Variants in EDIL3 observed in about 807,000 individuals in gnomAD.
EDIL3 encodes the protein EGF like and discoidin domains 3.
A neutral mutation model predicts 67.4 loss-of-function variants in EDIL3; 37 were observed. That is an observed-to-expected ratio of 0.55 (90% CI 0.42 to 0.72). The LOEUF (loss-of-function observed/expected upper bound fraction) is 0.72. EDIL3 is among the 30% of genes least tolerant of loss of function. EDIL3 has a pLI of 0.00. For synonymous variants in EDIL3, 195 were observed against 196.3 expected, an observed-to-expected ratio of 0.99 and a Z score of 0.05; for missense variants, 527 against 586.3, an observed-to-expected ratio of 0.90 and a Z score of 1.04.
chr5:83,994,325 G>A (rs966909646), intron 9 of EDIL3, among the ~76,000 whole-genome samples: 1 of 150,910 alleles, frequency 6.6e-6, no homozygotes, highest in Non-Finnish European at 1.5e-5. Flanking sequence ...GTTACTTTTT[G>A]GAAGAGGATT....
At chr5:84,037,453 A>G (rs1035736436) in intron 9 of EDIL3, among the ~76,000 whole-genome samples, 8 of 152,234 alleles carry the variant, frequency 5.3e-5, no homozygotes, top group African/African-American at 1.9e-4. Context: ...TTTTCAAATC[A>G]TAAAGAAAAT....
At chr5:84,231,776 GA>G (rs960270104) in intron 2 of EDIL3, among the ~76,000 whole-genome samples, 14 of 151,672 alleles carry the variant, frequency 9.2e-5, no homozygotes, top group African/African-American at 2.9e-4. Flanking sequence ...GTTCAAAGAG[GA>G]AAAAAAATGG....
At chr5:84,166,745 A>G (rs780997200) in intron 4 of EDIL3, among the ~76,000 whole-genome samples, 11 of 152,142 alleles carry the variant, frequency 7.2e-5, no homozygotes, top group Non-Finnish European at 1.6e-4. Flanking sequence ...TCTTCGGGTT[A>G]GTTGGAGGAA....
intron 6 of EDIL3, among the ~76,000 whole-genome samples, chr5:84,083,031 C>T (rs193100710): frequency 6.6e-6 from 1 of 152,252 alleles, no homozygotes; most frequent in Admixed American, 6.5e-5. Flanking sequence ...ATCTTTTAAT[C>T]CTTCCAGCTG....
chr5:84,167,480 C>G (rs964557825), intron 4 of EDIL3, among the ~76,000 whole-genome samples: 1 of 152,036 alleles, frequency 6.6e-6, no homozygotes, highest in African/African-American at 2.4e-5. Context: ...ATTGAGGCAC[C>G]TGGTGTTTCA....
intron 2 of EDIL3, among the ~76,000 whole-genome samples, chr5:84,240,882 T>C (rs1368757910): frequency 6.6e-6 from 1 of 151,874 alleles, no homozygotes; most frequent in Non-Finnish European, 1.5e-5. Context: ...CCTTATAAAC[T>C]GAGCAACCAC....
intron 1 of EDIL3, among the ~76,000 whole-genome samples, chr5:84,380,959 A>G (rs2112224593): frequency 6.6e-6 from 1 of 152,194 alleles, no homozygotes; most frequent in South Asian, 2.1e-4. Context: ...AAAATACCCT[A>G]GATTTTGAAT....
chr5:84,122,154 G>A (rs1747787264), intron 5 of EDIL3, among the ~76,000 whole-genome samples: 1 of 151,848 alleles, frequency 6.6e-6, no homozygotes, highest in African/African-American at 2.4e-5. Flanking sequence ...TTTCTCTTCT[G>A]CAACTAAGAT....
chr5:84,043,438 G>A (rs1427211248), intron 9 of EDIL3, among the ~76,000 whole-genome samples: 1 of 152,184 alleles, frequency 6.6e-6, no homozygotes, highest in Non-Finnish European at 1.5e-5. Flanking sequence ...GTTATATGAA[G>A]TAGGAACAGA....
chr5:83,979,765 C>T (rs1580262833), intron 9 of EDIL3, among the ~76,000 whole-genome samples: 1 of 152,050 alleles, frequency 6.6e-6, no homozygotes, highest in African/African-American at 2.4e-5. Context: ...TGTCCCAGGA[C>T]CTCCTGGAAT....
At chr5:84,001,885 G>A (rs1745337626) in intron 9 of EDIL3, among the ~76,000 whole-genome samples, 1 of 151,846 alleles carries the variant, frequency 6.6e-6, no homozygotes, top group Non-Finnish European at 1.5e-5. Flanking sequence ...GAGGAGGAAG[G>A]AATACTTCTA....
intron 4 of EDIL3, among the ~76,000 whole-genome samples, chr5:84,173,028 G>A (rs1025958281): frequency 2.0e-5 from 3 of 152,156 alleles, no homozygotes; most frequent in African/African-American, 7.2e-5. Flanking sequence ...CAGAGGTCCA[G>A]CATGACAACA....
At chr5:84,254,440 C>T (rs1378733969) in intron 1 of EDIL3, among the ~76,000 whole-genome samples, 2 of 152,094 alleles carry the variant, frequency 1.3e-5, no homozygotes, top group Non-Finnish European at 2.9e-5. Flanking sequence ...CCTCTGAAAG[C>T]TATTGGTTCA....
intron 9 of EDIL3, among the ~76,000 whole-genome samples, chr5:84,027,687 G>A (rs563714654): frequency 1.2e-4 from 19 of 152,026 alleles, no homozygotes; most frequent in Middle Eastern, 6.8e-3. Flanking sequence ...ATCTGGTAGC[G>A]AAGTGCTTAT....
Position 83,943,237 on chromosome 5 carries a change from A to G in EDIL3, c.*182T>C, listed in dbSNP as rs1318816965. ...TTGACGGATAAAATAAAATCAAATTAAATCATTGAAAAGGCAGGCTTAGAC... is the reference window on the plus strand; with the variant it reads ...TTGACGGATAAAATAAAATCAAATTGAATCATTGAAAAGGCAGGCTTAGAC... On this transcript the variant is annotated 3_prime_UTR_variant, in exon 11 of 11. Coordinates refer to ENST00000296591, the MANE Select transcript of EDIL3 (RefSeq NM_005711.5). The G allele has an allele frequency of 7.7e-6, 5 of 650,620 alleles. No homozygotes were observed. The highest frequency in any genetic ancestry group is 2.1e-5 in the South Asian group (1 of 47,448). The allele number at this position is 650,620 out of a possible 1,614,324, so 40.3% of individuals were successfully genotyped here. A position where few individuals can be genotyped will look rare whatever the true frequency, so the allele number is the denominator to read the frequency against.
At chr5:84,020,215 C>G (rs1389770105) in intron 9 of EDIL3, among the ~76,000 whole-genome samples, 1 of 151,930 alleles carries the variant, frequency 6.6e-6, no homozygotes, top group African/African-American at 2.4e-5. Flanking sequence ...AATAAATTCT[C>G]CCTTCATCTG....
intron 7 of EDIL3, among the ~76,000 whole-genome samples, chr5:84,066,070 G>A (rs920927376): frequency 2.0e-5 from 3 of 148,754 alleles, no homozygotes; most frequent in Non-Finnish European, 3.0e-5. Context: ...AGCCGAGATC[G>A]CGCCACTGCA....
At chr5:84,368,800 A>T (rs1747788961) in intron 1 of EDIL3, among the ~76,000 whole-genome samples, 1 of 152,122 alleles carries the variant, frequency 6.6e-6, no homozygotes, top group Non-Finnish European at 1.5e-5. Flanking sequence ...TCGATTCAAA[A>T]ATGGGCAAAG....
intron 9 of EDIL3, among the ~76,000 whole-genome samples, chr5:83,964,740 C>T (rs150831260): frequency 6.6e-6 from 1 of 152,056 alleles, no homozygotes; most frequent in East Asian, 1.9e-4. Context: ...ACTCAAGTTG[C>T]GTGATGGATT....
Sources: gnomAD v4.1 joint callset for allele counts (sites outside exome capture counted in the v4.1 genomes callset) on GRCh38, gnomAD v4.1.1 for gene constraint, MANE v1.5 for transcripts, NCBI Gene and HGNC (gene_info 2026-07-23, HGNC 2026-07-21) for gene names.